The following EEPD1 variants were observed in gnomAD, a reference collection of about 807,000 sequenced individuals.
The protein encoded by EEPD1 is endonuclease/exonuclease/phosphatase family domain-containing protein 1.
In EEPD1, 17 loss-of-function variants were observed where a neutral mutation model predicts 46.3. The observed-to-expected ratio is 0.37, with a 90% CI of 0.25 to 0.55. The LOEUF (loss-of-function observed/expected upper bound fraction) is 0.55, where lower values mean the gene tolerates loss of function less well. Ranked by LOEUF, EEPD1 falls within the 20% of genes least tolerant of loss-of-function variation. The pLI, the probability that EEPD1 is intolerant of heterozygous loss-of-function variation, is 0.83. For synonymous variants in EEPD1, 313 were observed against 315.6 expected (o/e 0.99, Z 0.09); for missense variants, 673 against 745.6 (o/e 0.90, Z 1.13).
chr7:36,251,667 C>T (rs577971621), intron 3 of EEPD1, among the ~76,000 whole-genome samples: 5 of 152,274 alleles, frequency 3.3e-5, no homozygotes, highest in African/African-American at 1.2e-4. Flanking sequence ...ACCTTCATCC[C>T]TCCTCGACTC....
At chr7:36,226,236 C>G (rs938879704) in intron 2 of EEPD1, among the ~76,000 whole-genome samples, 1 of 152,148 alleles carries the variant, frequency 6.6e-6, no homozygotes, top group African/African-American at 2.4e-5. Flanking sequence ...TTGTTTCAGT[C>G]TTTATTCTAA....
intron 3 of EEPD1, among the ~76,000 whole-genome samples, chr7:36,268,899 T>C (rs1343682443): frequency 1.3e-5 from 2 of 152,206 alleles, no homozygotes; most frequent in African/African-American, 4.8e-5. Context: ...AAACTCTTGG[T>C]AAGTGGTAGA....
rs760619832 is a variant in EEPD1 at position 36,281,243 on chromosome 7, G to T, written c.1041+18G>T. ...TCCAGAAGGTACCCTCGTCTGCAAA[G>T]CCTGGCCTTTCCCTTCATTTAATTT... On this transcript the variant is annotated intron_variant, in intron 4 of 7. Transcript: ENST00000242108. The T allele has an allele frequency of 1.9e-6, 3 of 1,607,070 alleles. No homozygotes were observed. The highest frequency in any genetic ancestry group is 8.5e-7 in the Non-Finnish European group (1 of 1,173,846).
At chr7:36,201,169 T>C (rs1039157202) in intron 2 of EEPD1, among the ~76,000 whole-genome samples, 1 of 152,144 alleles carries the variant, frequency 6.6e-6, no homozygotes, top group Admixed American at 6.5e-5. Context: ...TCTGAAGTTA[T>C]GGAAGACAGA....
chr7:36,239,167 G>A (rs2115783763), intron 3 of EEPD1, 131 bp downstream of exon 3: 2 of 898,456 alleles, frequency 2.2e-6, no homozygotes, highest in South Asian at 3.0e-5. Flanking sequence ...ATTCCTGACA[G>A]CGAATCATGC....
rs1288569551 is a variant in EEPD1 at position 36,193,382 on chromosome 7, G to A, written c.878+38180G>A. 1.3e-5 allele frequency among the ~76,000 whole-genome samples: 2 copies of A among 152,202 alleles called. No individual in the cohort carries two copies. The highest frequency in any genetic ancestry group is 2.9e-5 in the Non-Finnish European group (2 of 68,046). On this transcript the variant is annotated intron_variant, in intron 2 of 7. Coordinates refer to ENST00000242108, the MANE Select transcript of EEPD1 (RefSeq NM_030636.3). The surrounding 1 kb of genome is among the most constrained non-coding windows in gnomAD (Gnocchi z 4.9). ...GGATGAGGTATGGCCAGAGAGCAGA[G>A]GGAATGCCACACAGGAGGACAAAGG...
At chr7:36,170,520 A>T (rs189005220) in intron 2 of EEPD1, among the ~76,000 whole-genome samples, 123 of 150,876 alleles carry the variant, frequency 8.2e-4, no homozygotes, top group African/African-American at 2.9e-3. Flanking sequence ...ACCCTGTATC[A>T]GTCATTGCAG....
chr7:36,290,812 A>G (rs562661079), intron 6 of EEPD1, among the ~76,000 whole-genome samples: 1 of 152,314 alleles, frequency 6.6e-6, no homozygotes, highest in Admixed American at 6.5e-5. Context: ...TCTCTGAGGA[A>G]GTCAGCCCAA....
At position 36,154,922 on chromosome 7, in the gene EEPD1, TCCAGGCCC is replaced by T; in HGVS notation, c.602_609del (p.Arg201IlefsTer26). ...CCGGCACCAGGTGTTTGCTGAGAGG[TCCAGGCCC>T]CCATCCACCCACACGAACGGGGGAC... On this transcript the variant is annotated frameshift_variant, in exon 2 of 8. Coordinates refer to ENST00000242108, the MANE Select transcript of EEPD1 (RefSeq NM_030636.3). LOFTEE classifies it high-confidence loss of function. The surrounding 1 kb of genome is among the most constrained non-coding windows in gnomAD (Gnocchi z 4.2). 1 of 1,613,708 alleles carries T rather than the reference TCCAGGCCC, an allele frequency of 6.2e-7. No homozygotes were observed. Among genetic ancestry groups the T allele is most frequent in the Non-Finnish European group, 8.5e-7 (1 of 1,179,924 alleles).
intron 2 of EEPD1, among the ~76,000 whole-genome samples, chr7:36,229,632 C>T (rs1786287398): frequency 6.6e-6 from 1 of 152,190 alleles, no homozygotes; most frequent in African/African-American, 2.4e-5. Context: ...CCACCACCCC[C>T]TGCAGCCGCT....
chr7:36,206,220 C>T (rs1031888764), intron 2 of EEPD1, among the ~76,000 whole-genome samples: 5 of 151,916 alleles, frequency 3.3e-5, no homozygotes, highest in Non-Finnish European at 7.4e-5. Context: ...GGCTCCAGGG[C>T]TAGGTCAGAG....
intron 2 of EEPD1, among the ~76,000 whole-genome samples, chr7:36,232,351 C>T (rs1786347299): frequency 6.6e-6 from 1 of 151,748 alleles, no homozygotes; most frequent in African/African-American, 2.4e-5. Flanking sequence ...ACTGCAGGCG[C>T]CCACCACCAG....
intron 3 of EEPD1, among the ~76,000 whole-genome samples, chr7:36,268,642 G>A (rs1259330684): frequency 2.6e-5 from 4 of 152,152 alleles, no homozygotes; most frequent in Non-Finnish European, 4.4e-5. Context: ...CTCCACTGGT[G>A]TATTTCAGAA....
chr7:36,287,104 G>A (rs531089275), intron 5 of EEPD1, among the ~76,000 whole-genome samples: 2 of 151,918 alleles, frequency 1.3e-5, no homozygotes, highest in African/African-American at 4.8e-5. Flanking sequence ...GGGCATGGTG[G>A]CACACACCTA....
chr7:36,214,689 C>T (rs1046770003), intron 2 of EEPD1, among the ~76,000 whole-genome samples: 1 of 152,214 alleles, frequency 6.6e-6, no homozygotes, highest in Non-Finnish European at 1.5e-5. Flanking sequence ...GTTCACTAAA[C>T]ATGGAGAACC....
intron 2 of EEPD1, among the ~76,000 whole-genome samples, chr7:36,199,691 G>A (rs1178223056): frequency 3.9e-5 from 6 of 152,100 alleles, no homozygotes; most frequent in Non-Finnish European, 8.8e-5. Context: ...CCCTAAAATG[G>A]GGGTAAGACC....
intron 3 of EEPD1, among the ~76,000 whole-genome samples, chr7:36,263,926 A>G (rs1786972353): frequency 6.6e-6 from 1 of 152,168 alleles, no homozygotes; most frequent in East Asian, 1.9e-4. Context: ...AGTAACAAGT[A>G]TTTTTATGCT....
intron 3 of EEPD1, among the ~76,000 whole-genome samples, chr7:36,257,113 G>A (rs932400919): frequency 6.6e-6 from 1 of 152,162 alleles, no homozygotes; most frequent in Non-Finnish European, 1.5e-5. Flanking sequence ...ATTCTGAGTT[G>A]AAAATTCTTT....
chr7:36,184,912 G>T lies in EEPD1; in HGVS notation c.878+29710G>T, dbSNP rs548980755. Among the ~76,000 whole-genome samples the T allele has an allele frequency of 7.2e-5, 11 of 152,180 alleles. No individual in the cohort carries two copies. In the South Asian group the frequency reaches 1.7e-3, roughly 23 times the overall value. On this transcript the variant is annotated intron_variant, in intron 2 of 7. Coordinates refer to ENST00000242108, the MANE Select transcript of EEPD1 (RefSeq NM_030636.3). ...TACCTGGCTAATTTTTGGATTTTTA[G>T]TAGAGATAAGGTTTCACTGTGTTGG...
Sources: allele counts gnomAD v4.1 joint callset (sites outside exome capture counted in the v4.1 genomes callset), GRCh38; gene constraint gnomAD v4.1.1; non-coding constraint Gnocchi (gnomAD v3.1); transcripts MANE v1.5; gene names NCBI Gene and HGNC (gene_info 2026-07-23, HGNC 2026-07-21).